The following HSD17B12 variants were observed in gnomAD, a reference collection of about 807,000 sequenced individuals.
HSD17B12 encodes the protein hydroxysteroid 17-beta dehydrogenase 12.
Under a neutral mutation model 39.3 loss-of-function variants are expected in HSD17B12, and 32 were observed. The ratio of observed to expected loss-of-function variants is 0.81; its 90% confidence interval spans 0.61 to 1.09. HSD17B12 has a LOEUF of 1.09. Ranked by LOEUF, HSD17B12 falls within the 50% of genes least tolerant of loss-of-function variation. HSD17B12 has a pLI of 0.00. For synonymous variants in HSD17B12, 150 were observed against 146.7 expected, an observed-to-expected ratio of 1.02 and a Z score of -0.16; for missense variants, 342 against 382.9, an observed-to-expected ratio of 0.89 and a Z score of 0.89.
chr11:43,814,392 A>G (rs7945441), intron 4 of HSD17B12, among the ~76,000 whole-genome samples: 2,851 of 151,980 alleles, frequency 0.019, 82 homozygotes, highest in African/African-American at 0.051. Flanking sequence ...AAGTGTAGAT[A>G]GGCAGATAGA....
intron 3 of HSD17B12, among the ~76,000 whole-genome samples, chr11:43,763,057 G>A (rs1376381234): frequency 6.6e-6 from 1 of 152,122 alleles, no homozygotes; most frequent in Non-Finnish European, 1.5e-5. Flanking sequence ...TACACCTAAT[G>A]TCCTCCTTGC....
At chr11:43,760,411 TC>T (rs1950546391) in intron 3 of HSD17B12, among the ~76,000 whole-genome samples, 1 of 152,194 alleles carries the variant, frequency 6.6e-6, no homozygotes, top group South Asian at 2.1e-4. Flanking sequence ...ACTGCATATT[TC>T]TTTCTTGGAT....
chr11:43,785,195 C>T (rs556854408), intron 3 of HSD17B12, among the ~76,000 whole-genome samples: 9 of 151,974 alleles, frequency 5.9e-5, no homozygotes, highest in South Asian at 2.1e-4. Flanking sequence ...CAGACAGGTT[C>T]GGGTTACTTG....
intron 1 of HSD17B12, among the ~76,000 whole-genome samples, chr11:43,728,511 T>C (rs1950241203): frequency 6.6e-6 from 1 of 152,172 alleles, no homozygotes; most frequent in Non-Finnish European, 1.5e-5. Context: ...TTTATATTCC[T>C]CTACCTAGAG....
intron 6 of HSD17B12, among the ~76,000 whole-genome samples, chr11:43,821,156 G>A (rs779263661): frequency 6.6e-6 from 1 of 152,102 alleles, no homozygotes; most frequent in Non-Finnish European, 1.5e-5. Context: ...AGTTTCATCC[G>A]ATGGTTTTAC....
chr11:43,849,022 G>T (rs528454292), intron 9 of HSD17B12, among the ~76,000 whole-genome samples: 1 of 152,278 alleles, frequency 6.6e-6, no homozygotes, highest in Admixed American at 6.5e-5. Flanking sequence ...ATAAAATCCA[G>T]CTGGGCACAG....
chr11:43,766,165 A>T (rs1260230897), intron 3 of HSD17B12, among the ~76,000 whole-genome samples: 1 of 152,214 alleles, frequency 6.6e-6, no homozygotes, highest in Non-Finnish European at 1.5e-5. Context: ...TTTCTTGAAC[A>T]TATAGAATAT....
At chr11:43,682,021 G>A (rs924489796) in intron 1 of HSD17B12, among the ~76,000 whole-genome samples, 5 of 152,046 alleles carry the variant, frequency 3.3e-5, no homozygotes, top group Non-Finnish European at 5.9e-5. Context: ...ATTTTGGGGT[G>A]GTTAGGCATT....
the HSD17B12 span, among the ~76,000 whole-genome samples, chr11:43,608,066 A>AT: frequency 2.6e-5 from 4 of 152,164 alleles, no homozygotes; most frequent in Non-Finnish European, 5.9e-5. Context: ...GAATATATAC[A>AT]TTTTTTAAAA....
chr11:43,836,067 T>C (rs779917236), intron 7 of HSD17B12, among the ~76,000 whole-genome samples: 2 of 152,208 alleles, frequency 1.3e-5, no homozygotes, highest in Non-Finnish European at 2.9e-5. Context: ...GATTTTTAAA[T>C]TGCATTTTGT....
intron 1 of HSD17B12, among the ~76,000 whole-genome samples, chr11:43,689,043 G>C (rs1949828765): frequency 6.6e-6 from 1 of 152,156 alleles, no homozygotes; most frequent in South Asian, 2.1e-4. Flanking sequence ...CTAAAATTAT[G>C]AACAGACCAA....
intron 1 of HSD17B12, among the ~76,000 whole-genome samples, chr11:43,708,332 CTA>C (rs1449352300): frequency 6.6e-6 from 1 of 152,144 alleles, no homozygotes; most frequent in African/African-American, 2.4e-5. Flanking sequence ...TCTCTGAAAA[CTA>C]TACATTTATT....
chr11:43,572,681 T>A, the HSD17B12 span, among the ~76,000 whole-genome samples: 2 of 152,236 alleles, frequency 1.3e-5, no homozygotes, highest in African/African-American at 4.8e-5. Flanking sequence ...ATTATCATAA[T>A]GACACCTAGA....
chr11:43,840,647 G>A (rs981505477), intron 9 of HSD17B12, among the ~76,000 whole-genome samples: 2 of 152,034 alleles, frequency 1.3e-5, no homozygotes, highest in African/African-American at 4.8e-5. Flanking sequence ...TTTTGTGACT[G>A]GATTATTTCA....
intron 6 of HSD17B12, among the ~76,000 whole-genome samples, chr11:43,816,892 C>A (rs1017584164): frequency 7.2e-5 from 11 of 151,836 alleles, no homozygotes; most frequent in African/African-American, 2.7e-4. Flanking sequence ...TGAGTTACGT[C>A]ACTTAGAATA....
At chr11:43,777,406 T>C (rs1950717393) in intron 3 of HSD17B12, among the ~76,000 whole-genome samples, 1 of 152,224 alleles carries the variant, frequency 6.6e-6, no homozygotes, top group Admixed American at 6.5e-5. Context: ...GGCTCTCTGT[T>C]TGACTGTTGT....
intron 2 of HSD17B12, among the ~76,000 whole-genome samples, chr11:43,751,991 A>G (rs1950469132): frequency 6.6e-6 from 1 of 152,112 alleles, no homozygotes; most frequent in Admixed American, 6.5e-5. Context: ...CTCTTTTTTA[A>G]TCGTTGTTTT....
chr11:43,611,536 A>G, the HSD17B12 span, among the ~76,000 whole-genome samples: 2 of 152,228 alleles, frequency 1.3e-5, no homozygotes, highest in Non-Finnish European at 2.9e-5. Context: ...TGTTTAGCAG[A>G]GCTGCTGGAT....
chr11:43,738,217 T>C (rs1950334575), intron 1 of HSD17B12, among the ~76,000 whole-genome samples: 2 of 151,962 alleles, frequency 1.3e-5, no homozygotes, highest in Admixed American at 1.3e-4. Context: ...TCTCTTTTTT[T>C]TCTTTGACTT....
Sources: gnomAD v4.1 joint callset for allele counts (sites outside exome capture counted in the v4.1 genomes callset) on GRCh38, gnomAD v4.1.1 for gene constraint, MANE v1.5 for transcripts, NCBI Gene and HGNC (gene_info 2026-07-23, HGNC 2026-07-21) for gene names.